MYOM1: variants seen among roughly 807,000 people sequenced by gnomAD.
MYOM1 encodes myomesin 1.
MYOM1 carries 164 observed loss-of-function variants against 205.3 expected under a neutral mutation model. The ratio of observed to expected loss-of-function variants is 0.80; its 90% CI spans 0.70 to 0.91. The LOEUF is 0.91. MYOM1 is among the 40% of genes least tolerant of loss of function. MYOM1 has a pLI of 0.00. For missense variants in MYOM1, 2,011 were observed against 2,127.3 expected, an observed-to-expected ratio of 0.95 and a Z score of 1.08; for synonymous variants, 772 against 789.4, an observed-to-expected ratio of 0.98 and a Z score of 0.37.
Position 3,067,578 on chromosome 18 carries a change from GAGA to G in MYOM1, c.4765-26_4765-24del, listed in dbSNP as rs769050315. On this transcript the variant is annotated intron_variant, in intron 37 of 37. Transcript: ENST00000356443. The stretch of plus-strand genomic sequence containing the variant: ...GGCCTGCAAGACAGGTTTTATGGGA[GAGA>G]AGAAGATAAATTAGATGTAATAGAC... 152 of 1,601,188 alleles carry G rather than the reference GAGA, an allele frequency of 9.5e-5. 1 individual carries two copies. In the African/African-American group the frequency reaches 1.4e-3, roughly 15 times the overall value.
chr18:3,133,097 C>T (rs1322716683), intron 16 of MYOM1, among the ~76,000 whole-genome samples: 5 of 151,906 alleles, frequency 3.3e-5, no homozygotes, highest in African/African-American at 9.7e-5. Context: ...TGGTGCCTGC[C>T]CTCTAGCAGC....
intron 22 of MYOM1, 143 bp downstream of exon 22, chr18:3,112,155 G>T: frequency 1.5e-6 from 1 of 665,176 alleles, no homozygotes. Context: ...TGACTGTCAT[G>T]TTCTAAGATC....
intron 2 of MYOM1, among the ~76,000 whole-genome samples, chr18:3,197,497 T>C (rs950247061): frequency 6.6e-6 from 1 of 152,346 alleles, no homozygotes; most frequent in Non-Finnish European, 1.5e-5. Context: ...TCTATCCATA[T>C]ACTACTGTAT....
intron 20 of MYOM1, among the ~76,000 whole-genome samples, chr18:3,119,050 A>C (rs910353767): frequency 1.3e-5 from 2 of 152,190 alleles, no homozygotes; most frequent in South Asian, 4.1e-4. Flanking sequence ...GTAAATTTGC[A>C]TTCAATTTTT....
At chr18:3,187,747 G>A (rs1195727834) in intron 4 of MYOM1, 110 bp from the exon 5 acceptor site, 1 of 1,090,168 alleles carries the variant, frequency 9.2e-7, no homozygotes, top group African/African-American at 1.6e-5. Context: ...TTTCCATTTG[G>A]AAGCTTAATT....
chr18:3,219,185 T>G lies in MYOM1; in HGVS notation c.-29+618A>C, dbSNP rs2081303366. On this transcript the variant is annotated intron_variant, in intron 1 of 37. Coordinates refer to ENST00000356443, the MANE Select transcript of MYOM1 (RefSeq NM_003803.4). The surrounding 1 kb of genome is among the most constrained non-coding windows in gnomAD (Gnocchi z 4.4). ...GAAATACAAATTCCATAGCTGTAAT[T>G]TATGATACTTTTGTGCAGGCATTAG... Among the ~76,000 whole-genome samples the G allele has an allele frequency of 6.6e-6, 1 of 152,190 alleles. No homozygotes were observed. Among genetic ancestry groups the G allele is most frequent in the Admixed American group, 6.5e-5 (1 of 15,268 alleles).
At chr18:3,113,423 G>A (rs2079559463) in intron 21 of MYOM1, among the ~76,000 whole-genome samples, 1 of 151,866 alleles carries the variant, frequency 6.6e-6, no homozygotes, top group South Asian at 2.1e-4. Context: ...GGACCTCCTG[G>A]GATCAAGCAA....
rs78331937 is a variant in MYOM1, at chr18:3,072,350, C to CTTTTTT, written c.4709-467_4709-462dup. ...AGCAGGCGTGAGCCACCGCACCCGG[C>CTTTTTT]TTTTTTTTTTTTTTTTTTTTTGAGG... On this transcript the variant is annotated intron_variant, in intron 36 of 37. Coordinates refer to ENST00000356443, the MANE Select transcript of MYOM1 (RefSeq NM_003803.4). Among the ~76,000 whole-genome samples the CTTTTTT allele has an allele frequency of 1.6e-3, 91 of 56,206 alleles. 23 individuals are homozygous for CTTTTTT. The highest frequency in any genetic ancestry group is 6.4e-3 in the African/African-American group (69 of 10,706). The allele number at this position is 56,206 out of a possible 152,430, so 36.9% of individuals were successfully genotyped here.
At position 3,160,844 on chromosome 18, in the gene MYOM1, C is replaced by T. The variant is rs192108770; in HGVS notation, c.1501+3434G>A. On this transcript the variant is annotated intron_variant, in intron 10 of 37. Coordinates refer to ENST00000356443, the MANE Select transcript of MYOM1 (RefSeq NM_003803.4). ...AAATTTTAAATTGGAACACCTTCGC[C>T]CCATCCATAGTTAGTAACGTGGAGT... Among the ~76,000 whole-genome samples the T allele has an allele frequency of 2.6e-3, 396 of 152,220 alleles. 3 individuals carry two copies. Among genetic ancestry groups the T allele is most frequent in the Admixed American group, 3.8e-3 (58 of 15,284 alleles).
At chr18:3,157,117 C>A (rs1314449149) in intron 10 of MYOM1, among the ~76,000 whole-genome samples, 2 of 152,310 alleles carry the variant, frequency 1.3e-5, no homozygotes, top group Non-Finnish European at 2.9e-5. Flanking sequence ...GCCTATACCA[C>A]AACAACCAGG....
At chr18:3,087,835 G>A (rs1019551595) in intron 29 of MYOM1, among the ~76,000 whole-genome samples, 2 of 151,996 alleles carry the variant, frequency 1.3e-5, no homozygotes, top group Admixed American at 1.3e-4. Context: ...GTAGACTAGC[G>A]CCAAGCAAGA....
At chr18:3,094,098 C>A in intron 26 of MYOM1, 72 bp downstream of exon 26, 1 of 1,512,034 alleles carries the variant, frequency 6.6e-7, no homozygotes. Context: ...ACAACATATC[C>A]ACATCCACAT....
In MYOM1 at chr18:3,189,593, G is replaced by A. The variant is rs553617846; in HGVS notation, c.432-506C>T. Among the ~76,000 whole-genome samples, 19 of 152,222 alleles carry A rather than the reference G, an allele frequency of 1.2e-4. No individual in the cohort carries two copies. In the East Asian group the frequency reaches 1.9e-3, roughly 16 times the overall value. On this transcript the variant is annotated intron_variant, in intron 3 of 37. Transcript: ENST00000356443. The surrounding 1 kb of genome is among the most constrained non-coding windows in gnomAD (Gnocchi z 4.8). ...CAGGCTGGTCTCGAATTCCTGACCT[G>A]AGGTGATCCACCAGCCTTGGCCTCC... is the stretch of plus-strand genomic sequence containing the variant.
At chr18:3,193,303 C>T (rs568447851) in intron 3 of MYOM1, among the ~76,000 whole-genome samples, 35 of 144,676 alleles carry the variant, frequency 2.4e-4, no homozygotes, top group African/African-American at 9.3e-4. Flanking sequence ...CATATACATA[C>T]ATATATATAT....
chr18:3,229,353 G>A, the MYOM1 span, among the ~76,000 whole-genome samples: 1 of 149,340 alleles, frequency 6.7e-6, no homozygotes, highest in Non-Finnish European at 1.5e-5. Context: ...TTTTTTAAAA[G>A]CTCCTAAATG....
chr18:3,199,996 G>A (rs538311171), intron 2 of MYOM1, among the ~76,000 whole-genome samples: 3 of 152,140 alleles, frequency 2.0e-5, no homozygotes, highest in South Asian at 4.2e-4. Flanking sequence ...TAGGAATTCC[G>A]GCTTAAAAAT....
chr18:3,160,537 T>C (rs1301630663), intron 10 of MYOM1, among the ~76,000 whole-genome samples: 1 of 152,212 alleles, frequency 6.6e-6, no homozygotes, highest in African/African-American at 2.4e-5. Flanking sequence ...TCTGTAAATA[T>C]ACTAAAAAGC....
chr18:3,100,503 T>C, intron 23 of MYOM1, 77 bp from the exon 24 acceptor site: 7 of 1,007,894 alleles, frequency 6.9e-6, no homozygotes, highest in Non-Finnish European at 1.1e-5. Flanking sequence ...AATCTGGGCA[T>C]TTGTGTATAC....
chr18:3,105,769 C>T (rs2079443842), intron 22 of MYOM1, among the ~76,000 whole-genome samples: 1 of 152,122 alleles, frequency 6.6e-6, no homozygotes, highest in African/African-American at 2.4e-5. Flanking sequence ...GCACAAGAAT[C>T]GCTTGGACCT....
Sources: allele counts gnomAD v4.1 joint callset (sites outside exome capture counted in the v4.1 genomes callset), GRCh38; gene constraint gnomAD v4.1.1; non-coding constraint Gnocchi (gnomAD v3.1); transcripts MANE v1.5; gene names NCBI Gene and HGNC (gene_info 2026-07-23, HGNC 2026-07-21).